The following SAYSD1 variants were observed in gnomAD, a reference collection of about 807,000 sequenced individuals.
SAYSD1 encodes the protein SAYSVFN motif domain containing 1.
In SAYSD1, 15 loss-of-function variants were observed where a neutral mutation model predicts 14.5. That is an observed-to-expected ratio of 1.03 (90% CI 0.69 to 1.59). The LOEUF is 1.59. SAYSD1 is among the 40% of genes most tolerant of loss of function. The probability of loss-of-function intolerance (pLI) is 0.00; values close to 1 mark genes in which losing one functional copy is unlikely to be tolerated. For synonymous variants in SAYSD1, 105 were observed against 102.6 expected, an observed-to-expected ratio of 1.02 and a Z score of -0.14; for missense variants, 247 against 227.3, an observed-to-expected ratio of 1.09 and a Z score of -0.56.
chr6:39,109,060 A>G (rs906757061), intron 1 of SAYSD1, among the ~76,000 whole-genome samples: 3 of 152,158 alleles, frequency 2.0e-5, no homozygotes, highest in Admixed American at 2.0e-4. Flanking sequence ...TGAATGAATG[A>G]ATGATAGTGA....
intron 1 of SAYSD1, chr6:39,109,600 A>AT (rs1769588530): frequency 7.4e-7 from 1 of 1,351,690 alleles, no homozygotes; most frequent in Admixed American, 3.1e-5. Flanking sequence ...CATATACATT[A>AT]CAGTTTCTTG....
At chr6:39,108,672 C>A (rs1012923789) in intron 1 of SAYSD1, among the ~76,000 whole-genome samples, 2 of 151,846 alleles carry the variant, frequency 1.3e-5, no homozygotes, top group Non-Finnish European at 2.9e-5. Context: ...AGGAATGCTC[C>A]CTTCCCCTCA....
chr6:39,115,046 G>T lies in SAYSD1; in HGVS notation c.44C>A (p.Ala15Glu), dbSNP rs1345596159. The change falls in exon 1 of 2, where the codon GCG (alanine) becomes GAG (glutamate). Residue 15 changes from alanine (A) to glutamate (E), a missense_variant. Transcript: ENST00000229903. ...AGCAGGGGGTTGGGCCGCCAGACCC[G>T]CCCGTTTCCGCGCCGCCCGAAACTC... ...LAEFRAARKR[A>E]GLAAQPPAAS... 3.1e-6 allele frequency: 5 copies of T among 1,610,938 alleles called. No homozygotes were observed. Among genetic ancestry groups the T allele is most frequent in the Middle Eastern group, 1.6e-4 (1 of 6,076 alleles).
chr6:39,106,584 C>T (rs1016026082), intron 1 of SAYSD1, among the ~76,000 whole-genome samples: 2 of 152,130 alleles, frequency 1.3e-5, no homozygotes, highest in Admixed American at 6.5e-5. Context: ...CTTCCCATCC[C>T]GTGATTAACC....
chr6:39,111,069 A>C (rs1014588012), intron 1 of SAYSD1: 1 of 152,188 alleles, frequency 6.6e-6, no homozygotes, highest in Non-Finnish European at 1.5e-5. Flanking sequence ...TCATGGCCTA[A>C]ACCAGATGAT....
Position 39,114,980 on chromosome 6 carries a change from G to A in SAYSD1, c.110C>T (p.Ala37Val), listed in dbSNP as rs1268687430. The A allele has an allele frequency of 6.2e-7, 1 of 1,613,922 alleles. No individual in the cohort carries two copies. Among genetic ancestry groups the A allele is most frequent in the Non-Finnish European group, 8.5e-7 (1 of 1,179,908 alleles). The part of the protein sequence containing the change: ...GAQTPGEKAE[A>V]AATLKAAPGW... ...TGGGGCTGCCTTTAGAGTCGCTGCT[G>A]CTTCCGCCTTCTCTCCTGGGGTTTG... Residue 37 changes from alanine (A) to valine (V), a missense_variant, in exon 1 of 2, where the codon GCA becomes GTA. By Grantham distance (64) the Ala-to-Val change is moderately conservative (BLOSUM62 0). Transcript: ENST00000229903.
At chr6:39,106,061 TAAG>T (rs1429328102) in intron 1 of SAYSD1, among the ~76,000 whole-genome samples, 2 of 152,202 alleles carry the variant, frequency 1.3e-5, no homozygotes, top group Non-Finnish European at 2.9e-5. Flanking sequence ...AGTCTGCTGC[TAAG>T]AAGAGCTAAT....
At chr6:39,109,541 C>T in intron 1 of SAYSD1, 1 of 1,441,390 alleles carries the variant, frequency 6.9e-7, no homozygotes, top group Admixed American at 2.7e-5. Context: ...CTTTGTTGCT[C>T]CAAATGACAT....
intron 1 of SAYSD1, chr6:39,109,748 G>A (rs1293841637): frequency 3.1e-6 from 1 of 318,690 alleles, no homozygotes; most frequent in African/African-American, 2.3e-5. Context: ...TCTCCACATG[G>A]CTGTGGATGA....
chr6:39,106,754 C>A (rs1183045458), intron 1 of SAYSD1, among the ~76,000 whole-genome samples: 1 of 152,180 alleles, frequency 6.6e-6, no homozygotes, highest in Non-Finnish European at 1.5e-5. Flanking sequence ...CAAAAACTTT[C>A]ACTGTCTACA....
chr6:39,108,429 T>TGG (rs567111384), intron 1 of SAYSD1, among the ~76,000 whole-genome samples: 1 of 68,276 alleles, frequency 1.5e-5, no homozygotes, highest in South Asian at 5.2e-4. Context: ...GGTGTGGGGG[T>TGG]GGGGGGGTAA....
At chr6:39,114,809 C>T (rs1769704882) in intron 1 of SAYSD1, 74 bp downstream of exon 1, 4 of 1,489,378 alleles carry the variant, frequency 2.7e-6, no homozygotes, top group Non-Finnish European at 2.8e-6. Flanking sequence ...GGGCCACACC[C>T]CCGGCAGCTA....
intron 1 of SAYSD1, chr6:39,112,998 T>G (rs962941222): frequency 6.6e-6 from 1 of 152,592 alleles, no homozygotes; most frequent in African/African-American, 2.4e-5. Context: ...TAGTTGAATA[T>G]AAAAATTAAT....
Position 39,105,193 on chromosome 6 carries a change from T to C in SAYSD1, c.*239A>G, listed in dbSNP as rs1769470927. ...AAATGAAACAAACAGGTCTCCCTTC[T>C]TGAGTACATAATTTTTATAAATTGC... On this transcript the variant is annotated 3_prime_UTR_variant, in exon 2 of 2. Transcript: ENST00000229903. 1 of 507,012 alleles carries C rather than the reference T, an allele frequency of 2.0e-6. No homozygotes were observed. The highest frequency in any genetic ancestry group is 3.5e-5 in the East Asian group (1 of 28,786). 31.4% of individuals were successfully genotyped at this position (507,012 alleles called of 1,614,324 possible).
chr6:39,106,215 A>G (rs1769499835), intron 1 of SAYSD1, among the ~76,000 whole-genome samples: 1 of 151,862 alleles, frequency 6.6e-6, no homozygotes, highest in African/African-American at 2.4e-5. Flanking sequence ...AAATAGAGAC[A>G]GGAAACAAAA....
intron 1 of SAYSD1, among the ~76,000 whole-genome samples, chr6:39,106,570 T>C (rs74930716): frequency 0.019 from 2,950 of 152,148 alleles, 108 homozygotes; most frequent in African/African-American, 0.067. Context: ...CTGGGCCCCC[T>C]TACCTTCCCA....
intron 1 of SAYSD1, chr6:39,109,638 A>G: frequency 1.7e-6 from 2 of 1,211,736 alleles, no homozygotes; most frequent in Non-Finnish European, 2.1e-6. Context: ...TGGACAGGAG[A>G]TAAAGTTTTT....
chr6:39,114,837 G>A lies in SAYSD1; in HGVS notation c.207+46C>T, dbSNP rs370119250. 4.6e-5 allele frequency: 72 copies of A among 1,579,964 alleles called. No homozygotes were observed. The African/African-American group carries it at 8.7e-4, about 19-fold the overall frequency. ...GGCAGCTAGGGCCGCGCCCTCGACT[G>A]TGGCTCCGAGGCCAGGTCCTAGGGC... is the stretch of plus-strand genomic sequence containing the variant. On this transcript the variant is annotated intron_variant, in intron 1 of 1. Coordinates refer to ENST00000229903, the MANE Select transcript of SAYSD1 (RefSeq NM_018322.3).
At chr6:39,114,388 C>CT (rs1330969234) in intron 1 of SAYSD1, among the ~76,000 whole-genome samples, 1 of 152,248 alleles carries the variant, frequency 6.6e-6, no homozygotes, top group Non-Finnish European at 1.5e-5. Flanking sequence ...AGCTACCACA[C>CT]TTTGGTAAAT....
Sources: gnomAD v4.1 joint callset for allele counts (sites outside exome capture counted in the v4.1 genomes callset) on GRCh38, gnomAD v4.1.1 for gene constraint, MANE v1.5 for transcripts, NCBI Gene and HGNC (gene_info 2026-07-23, HGNC 2026-07-21) for gene names.